EIF3G: variants seen among roughly 807,000 people sequenced by gnomAD.
EIF3G encodes the protein eukaryotic translation initiation factor 3 RNA-binding subunit.
A neutral mutation model predicts 41.7 loss-of-function variants in EIF3G; 10 were observed. The ratio of observed to expected loss-of-function variants is 0.24; its 90% CI spans 0.15 to 0.41. EIF3G has a LOEUF of 0.41. Among genes scored for constraint, EIF3G ranks in the 10% least tolerant of loss-of-function variants. The probability of loss-of-function intolerance (pLI) is 1.00; values close to 1 mark genes in which losing one functional copy is unlikely to be tolerated. For synonymous variants in EIF3G, 204 were observed against 172.5 expected (o/e 1.18, Z -1.43); for missense variants, 297 against 444.0 (o/e 0.67, Z 2.98).
rs371439478 is a variant in EIF3G at position 10,115,992 on chromosome 19, C to T, written c.678G>A (p.Gly226=). 2.4e-4 allele frequency: 394 copies of T among 1,613,482 alleles called. 2 individuals carry two copies. Among genetic ancestry groups the T allele is most frequent in the Non-Finnish European group, 8.5e-5 (100 of 1,179,822 alleles). Residue 226 remains glycine (G), a synonymous_variant, in exon 8 of 11, where the codon GGG becomes GGA. Transcript: ENST00000253108. Reference sequence around the variant, plus strand: ...CTCTGCGGTTGGGCTGCATGGACTCCCCGCGGCGGCTGGCCCCGTCGCGCA... The same window carrying T: ...CTCTGCGGTTGGGCTGCATGGACTCTCCGCGGCGGCTGGCCCCGTCGCGCA... ...PSLRDGASRR[G]ESMQPNRRAD...
rs2089257670 is a variant in EIF3G at position 10,116,737 on chromosome 19, G to A, written c.595+63C>T. The A allele has an allele frequency of 6.8e-7, 1 of 1,475,590 alleles. No homozygotes were observed. The highest frequency in any genetic ancestry group is 9.1e-7 in the Non-Finnish European group (1 of 1,100,280). 91.4% of individuals were successfully genotyped at this position (1,475,590 alleles called of 1,614,324 possible). On this transcript the variant is annotated intron_variant, in intron 7 of 10. Coordinates refer to ENST00000253108, the MANE Select transcript of EIF3G (RefSeq NM_003755.5). The surrounding 1 kb of genome is among the most constrained non-coding windows in gnomAD (Gnocchi z 4.1). The stretch of plus-strand genomic sequence containing the variant: ...CTGCACTGTCGTGCGGGAGATGACA[G>A]CACGAAGGCAGCAGTGGGGACAGAA...
chr19:10,119,092 C>T lies in EIF3G; in HGVS notation c.147G>A (p.Pro49=). 7.2e-7 allele frequency: 1 copy of T among 1,388,162 alleles called. No individual in the cohort carries two copies. Among genetic ancestry groups the T allele is most frequent in the Non-Finnish European group, 9.9e-7 (1 of 1,007,168 alleles). The allele number at this position is 1,388,162 out of a possible 1,614,324, so 86.0% of individuals were successfully genotyped here. ...GDTSPEPELL[P]GAPLPPPKEV... is the part of the protein sequence containing the mutation. ...CTCCCGGCAGTCCTCACTCACCTCCCGGCAGTAGCTCTGGCTCTGGGCTGG... is the reference window on the plus strand; with the variant it reads ...CTCCCGGCAGTCCTCACTCACCTCCTGGCAGTAGCTCTGGCTCTGGGCTGG... The change falls in exon 3 of 11, where the codon CCG becomes CCA. Residue 49 remains proline, a synonymous_variant. Transcript: ENST00000253108.
chr19:10,119,887 A>T lies in EIF3G; in HGVS notation c.-28T>A, dbSNP rs748001949. On this transcript the variant is annotated 5_prime_UTR_variant, in exon 1 of 11. The change creates a new upstream start codon in the 5' untranslated region. Transcript: ENST00000253108. ...CAAAAAGTATTCTCCACGCAGCCCA[A>T]GCCCGGCCAGAGAGCGGAAGCGGGC... 6.2e-7 allele frequency: 1 copy of T among 1,614,092 alleles called. No homozygotes were observed. The highest frequency in any genetic ancestry group is 8.5e-7 in the Non-Finnish European group (1 of 1,180,026).
chr19:10,115,992 C>G lies in EIF3G; in HGVS notation c.678G>C (p.Gly226=). 1.2e-6 allele frequency: 2 copies of G among 1,613,600 alleles called. No individual in the cohort carries two copies. The highest frequency in any genetic ancestry group is 1.1e-5 in the South Asian group (1 of 91,050). ...PSLRDGASRR[G]ESMQPNRRAD... is the part of the protein sequence containing the mutation. ...CTCTGCGGTTGGGCTGCATGGACTC[C>G]CCGCGGCGGCTGGCCCCGTCGCGCA... Residue 226 remains glycine, a synonymous_variant, in exon 8 of 11, where the codon GGG becomes GGC. Coordinates refer to ENST00000253108, the MANE Select transcript of EIF3G (RefSeq NM_003755.5).
At chr19:10,115,257 C>T in intron 10 of EIF3G, 128 bp from the exon 11 acceptor site, 1 of 1,283,634 alleles carries the variant, frequency 7.8e-7, no homozygotes, top group Non-Finnish European at 1.1e-6. Context: ...GGCACGGAGC[C>T]AGATGGCCAG....
rs116747780 is a variant in EIF3G at position 10,118,831 on chromosome 19, C to T, written c.240+37G>A. On this transcript the variant is annotated intron_variant, in intron 4 of 10. Transcript: ENST00000253108. ...CCATTCCGGTCTATGGGCCCCCAAG[C>T]ACAAGGGTCCCCACTCCCTGCACCC... The T allele has an allele frequency of 4.2e-4, 683 of 1,608,744 alleles. 3 individuals are homozygous for T. In the African/African-American group the frequency reaches 7.9e-3, roughly 19 times the overall value.
intron 5 of EIF3G, 55 bp downstream of exon 5, chr19:10,118,613 C>T (rs747331064): frequency 6.9e-6 from 11 of 1,590,444 alleles, no homozygotes; most frequent in South Asian, 5.5e-5. Context: ...ACACAAAGTC[C>T]GGGAGCACGG....
intron 5 of EIF3G, 47 bp downstream of exon 5, chr19:10,118,621 C>T (rs11667630): frequency 7.5e-6 from 12 of 1,605,142 alleles, no homozygotes; most frequent in South Asian, 3.3e-5. Flanking sequence ...TCCGGGAGCA[C>T]GGTTTTCCAA....
rs1568494809 is a variant in EIF3G at position 10,116,089 on chromosome 19, A to G, written c.596-15T>C. On this transcript the variant is annotated splice_polypyrimidine_tract_variant and intron_variant, in intron 7 of 10. Transcript: ENST00000253108. This position sits in a 1 kb window ranked among gnomAD's most constrained non-coding sequence, Gnocchi z 4.1. ...CGGCTCTAGCTCTGGGGACCAAAAG[A>G]CAGTCAAGTTCAACCTCACTGTGGC... 2 of 1,612,292 alleles carry G rather than the reference A, an allele frequency of 1.2e-6. No homozygotes were observed. Among genetic ancestry groups the G allele is most frequent in the Non-Finnish European group, 1.7e-6 (2 of 1,179,032 alleles).
At position 10,117,162 on chromosome 19, in the gene EIF3G, C is replaced by T. The variant is rs2089265546; in HGVS notation, c.327G>A (p.Glu109=). Reference sequence around the variant, plus strand: ...CCACATTGGGTCCGGGGGGGTCAAACTCTGAGTTCCCGAACTTCTTCCAGT... The same window carrying T: ...CCACATTGGGTCCGGGGGGGTCAAATTCTGAGTTCCCGAACTTCTTCCAGT... ...RKNWKKFGNS[E]FDPPGPNVAT... is the part of the protein sequence containing the mutation. Residue 109 remains glutamate, a synonymous_variant, in exon 6 of 11, where the codon GAG becomes GAA. Coordinates refer to ENST00000253108, the MANE Select transcript of EIF3G (RefSeq NM_003755.5). 1.2e-6 allele frequency: 2 copies of T among 1,612,626 alleles called. No homozygotes were observed. Among genetic ancestry groups the T allele is most frequent in the African/African-American group, 1.3e-5 (1 of 74,932 alleles).
chr19:10,119,641 C>T lies in EIF3G; in HGVS notation c.67+13G>A. On this transcript the variant is annotated intron_variant, in intron 2 of 10. Coordinates refer to ENST00000253108, the MANE Select transcript of EIF3G (RefSeq NM_003755.5). The stretch of plus-strand genomic sequence containing the variant: ...CCTGGCCGCGAATACCCCGGGCGAC[C>T]GTGTACACTTACCGTCCTCCCCCTC... The T allele has an allele frequency of 6.4e-7, 1 of 1,564,790 alleles. No individual in the cohort carries two copies. The highest frequency in any genetic ancestry group is 8.7e-7 in the Non-Finnish European group (1 of 1,153,986).
Position 10,117,104 on chromosome 19 carries a change from T to C in EIF3G, c.385A>G (p.Thr129Ala). ...CTTACCTCTTTGCTGGTGATGAACG[T>C]CATAGAGACATCGTCACTGACAGTG... ...TTTVSDDVSM[T>A]FITSKEDLNC... Residue 129 changes from threonine (T) to alanine (A), a missense_variant, in exon 6 of 11, where the codon ACG becomes GCG. Thr to Ala is a moderately conservative substitution (Grantham distance 58). Coordinates refer to ENST00000253108, the MANE Select transcript of EIF3G (RefSeq NM_003755.5). The C allele has an allele frequency of 6.2e-7, 1 of 1,613,614 alleles. No individual in the cohort carries two copies. Among genetic ancestry groups the C allele is most frequent in the Non-Finnish European group, 8.5e-7 (1 of 1,179,830 alleles).
chr19:10,119,843 A>T lies in EIF3G; in HGVS notation c.17T>A (p.Phe6Tyr). 2.5e-6 allele frequency: 4 copies of T among 1,614,156 alleles called. No homozygotes were observed. The highest frequency in any genetic ancestry group is 3.4e-6 in the Non-Finnish European group (4 of 1,180,028). The change falls in exon 1 of 11, where the codon TTT (phenylalanine) becomes TAT (tyrosine). Residue 6 changes from phenylalanine (F) to tyrosine (Y), a missense_variant. Physicochemically the swap from Phe to Tyr is conservative, Grantham distance 22. Coordinates refer to ENST00000253108, the MANE Select transcript of EIF3G (RefSeq NM_003755.5). ...CTTTCCGCGATCGCCGACTCACTCA[A>T]AGTCTCCAGTAGGCATCGCAAAAAG... MPTGD[F>Y]DSKPSWADQV...
Position 10,119,872 on chromosome 19 carries a change from TCTC to T in EIF3G, c.-16_-14del, listed in dbSNP as rs745757041. ...CTCCAGTAGGCATCGCAAAAAGTAT[TCTC>T]CACGCAGCCCAAGCCCGGCCAGAGA... On this transcript the variant is annotated 5_prime_UTR_variant, in exon 1 of 11. Coordinates refer to ENST00000253108, the MANE Select transcript of EIF3G (RefSeq NM_003755.5). 7.6e-5 allele frequency: 123 copies of T among 1,613,920 alleles called. No homozygotes were observed. The highest frequency in any genetic ancestry group is 9.6e-5 in the Non-Finnish European group (113 of 1,180,024).
Position 10,115,671 on chromosome 19 carries a change from CCT to C in EIF3G, c.840+11_840+12del, listed in dbSNP as rs2089232269. ...CCCTCACACAGCCCCACCGTGCCTG[CCT>C]GCCTGCCCACCTTGGATTGGCCAGT... On this transcript the variant is annotated intron_variant, in intron 9 of 10. Transcript: ENST00000253108. The C allele has an allele frequency of 5.6e-6, 9 of 1,612,920 alleles. No homozygotes were observed. The Admixed American group carries it at 1.2e-4, about 21-fold the overall frequency.
At chr19:10,118,552 A>C in intron 5 of EIF3G, 116 bp downstream of exon 5, 1 of 1,179,560 alleles carries the variant, frequency 8.5e-7, no homozygotes, top group South Asian at 1.3e-5. Context: ...GGGACAGAGC[A>C]ACACTCTGTC....
Position 10,117,064 on chromosome 19 carries a change from C to T in EIF3G, c.405+20G>A, listed in dbSNP as rs773787173. ...TTGCCCCACCCCAGGATGCCAGCCC[C>T]ACCTGATTGCCCCGCTTACCTCTTT... On this transcript the variant is annotated intron_variant, in intron 6 of 10. Transcript: ENST00000253108. The T allele has an allele frequency of 6.8e-6, 11 of 1,611,102 alleles. No homozygotes were observed. Among genetic ancestry groups the T allele is most frequent in the Middle Eastern group, 3.3e-4 (2 of 6,028 alleles).
rs780080370 is a variant in EIF3G at position 10,119,880 on chromosome 19, C to T, written c.-21G>A. On this transcript the variant is annotated 5_prime_UTR_variant, in exon 1 of 11. Coordinates refer to ENST00000253108, the MANE Select transcript of EIF3G (RefSeq NM_003755.5). Reference sequence around the variant, plus strand: ...GGCATCGCAAAAAGTATTCTCCACGCAGCCCAAGCCCGGCCAGAGAGCGGA... The same window carrying T: ...GGCATCGCAAAAAGTATTCTCCACGTAGCCCAAGCCCGGCCAGAGAGCGGA... The T allele has an allele frequency of 6.8e-6, 11 of 1,614,000 alleles. No individual in the cohort carries two copies. The highest frequency in any genetic ancestry group is 1.7e-5 in the Admixed American group (1 of 59,982).
At position 10,115,998 on chromosome 19, in the gene EIF3G, G is replaced by A. The variant is rs888697172; in HGVS notation, c.672C>T (p.Arg224=). ...GGTTGGGCTGCATGGACTCCCCGCG[G>A]CGGCTGGCCCCGTCGCGCAGGCTCG... ...VPPSLRDGAS[R]RGESMQPNRR... Residue 224 remains arginine (R), a synonymous_variant, in exon 8 of 11, where the codon CGC becomes CGT. Transcript: ENST00000253108. 6.2e-7 allele frequency: 1 copy of A among 1,613,654 alleles called. No homozygotes were observed. The highest frequency in any genetic ancestry group is 1.7e-5 in the Admixed American group (1 of 59,998).
Sources: allele counts gnomAD v4.1 joint callset, GRCh38; gene constraint gnomAD v4.1.1; non-coding constraint Gnocchi (gnomAD v3.1); transcripts MANE v1.5; gene names NCBI Gene and HGNC (gene_info 2026-07-23, HGNC 2026-07-21).